The following TIMP2 variants were observed in gnomAD, a reference collection of about 807,000 sequenced individuals.
The protein encoded by TIMP2 is TIMP metallopeptidase inhibitor 2, also known as metalloproteinase inhibitor 2.
TIMP2 carries 5 observed loss-of-function variants against 24.3 expected under a neutral mutation model. The observed-to-expected ratio is 0.21, with a 90% CI of 0.11 to 0.43. The LOEUF (loss-of-function observed/expected upper bound fraction) is 0.43. Among genes scored for constraint, TIMP2 ranks in the 20% least tolerant of loss-of-function variants. The pLI, the probability that TIMP2 is intolerant of heterozygous loss-of-function variation, is 1.00. For synonymous variants in TIMP2, 130 were observed against 123.2 expected (o/e 1.06, Z -0.37); for missense variants, 221 against 297.5 (o/e 0.74, Z 1.89).
chr17:78,924,822 T>G lies in TIMP2; in HGVS notation c.130+137A>C. On this transcript the variant is annotated intron_variant, in intron 1 of 4. Coordinates refer to ENST00000262768, the MANE Select transcript of TIMP2 (RefSeq NM_003255.5). This position sits in a 1 kb window ranked among gnomAD's most constrained non-coding sequence, Gnocchi z 5.3. The stretch of plus-strand genomic sequence containing the variant: ...CGGCTCTGGGCGTCCACTTGCAGGA[T>G]TCGAGAAGGCGCCGAGGGACCAGGA... The G allele has an allele frequency of 2.5e-6, 1 of 403,070 alleles. No individual in the cohort carries two copies. The highest frequency in any genetic ancestry group is 3.8e-6 in the Non-Finnish European group (1 of 259,842). 25.0% of individuals were successfully genotyped at this position (403,070 alleles called of 1,614,324 possible).
At position 78,925,188 on chromosome 17, in the gene TIMP2, C is replaced by G. The variant is rs1372774147; in HGVS notation, c.-100G>C. On this transcript the variant is annotated 5_prime_UTR_variant, in exon 1 of 5. Transcript: ENST00000262768. Reference sequence around the variant, plus strand: ...GCGCGGGCGGGGGCTGAGCCGGGGCCGAGGCGGGCCCCTCCCGCGCGGCTC... The same window carrying G: ...GCGCGGGCGGGGGCTGAGCCGGGGCGGAGGCGGGCCCCTCCCGCGCGGCTC... 16 of 313,470 alleles carry G rather than the reference C, an allele frequency of 5.1e-5. No individual in the cohort carries two copies. The highest frequency in any genetic ancestry group is 6.8e-5 in the Non-Finnish European group (15 of 220,102). The allele number at this position is 313,470 out of a possible 1,614,324, so 19.4% of individuals were successfully genotyped here.
chr17:78,863,701 T>C (rs2145748339), intron 3 of TIMP2, among the ~76,000 whole-genome samples: 1 of 152,260 alleles, frequency 6.6e-6, no homozygotes, highest in Middle Eastern at 3.4e-3. Flanking sequence ...AGTATGACTC[T>C]CTGTATCGAC....
Position 78,896,056 on chromosome 17 carries a change from G to A in TIMP2, c.131-22137C>T, listed in dbSNP as rs1486392067. 6.6e-6 allele frequency among the ~76,000 whole-genome samples: 1 copy of A among 152,212 alleles called. No homozygotes were observed. Among genetic ancestry groups the A allele is most frequent in the Non-Finnish European group, 1.5e-5 (1 of 68,034 alleles). On this transcript the variant is annotated intron_variant, in intron 1 of 4. Transcript: ENST00000262768. This position sits in a 1 kb window ranked among gnomAD's most constrained non-coding sequence, Gnocchi z 4.4. ...ACGGGTAAAAACTTAACACATTTGG[G>A]CAGAGATCTTTGGGATAAGTCTAGA...
At chr17:78,874,744 A>ATTTT (rs36077675) in intron 1 of TIMP2, among the ~76,000 whole-genome samples, 74 of 138,162 alleles carry the variant, frequency 5.4e-4, no homozygotes, top group South Asian at 2.0e-3. Flanking sequence ...CGCCCGGTTA[A>ATTTT]TTTTTTTTTT....
chr17:78,880,025 G>C (rs1480199333), intron 1 of TIMP2, among the ~76,000 whole-genome samples: 1 of 152,088 alleles, frequency 6.6e-6, no homozygotes, highest in African/African-American at 2.4e-5. Context: ...ACCATCAGAG[G>C]CCGGACCGGC....
intron 3 of TIMP2, among the ~76,000 whole-genome samples, chr17:78,859,577 C>T (rs1405114290): frequency 6.6e-6 from 1 of 152,010 alleles, no homozygotes; most frequent in Admixed American, 6.6e-5. Flanking sequence ...GCAGGAGGAT[C>T]GCTTGAACCC....
Position 78,896,877 on chromosome 17 carries a change from G to A in TIMP2, c.131-22958C>T, listed in dbSNP as rs2070010115. On this transcript the variant is annotated intron_variant, in intron 1 of 4. Transcript: ENST00000262768. The surrounding 1 kb of genome is among the most constrained non-coding windows in gnomAD (Gnocchi z 4.4). ...GCCCATGGCAGCTCCACCCCAGACC[G>A]ATCCGATCCCAGCACCTGGGCCCAG... 1.0e-5 allele frequency: 10 copies of A among 975,588 alleles called. No individual in the cohort carries two copies. Among genetic ancestry groups the A allele is most frequent in the Non-Finnish European group, 1.2e-5 (10 of 821,334 alleles). 60.4% of individuals were successfully genotyped at this position (975,588 alleles called of 1,614,324 possible).
intron 1 of TIMP2, among the ~76,000 whole-genome samples, chr17:78,894,906 A>T (rs923673705): frequency 2.0e-5 from 3 of 152,336 alleles, no homozygotes; most frequent in African/African-American, 7.2e-5. Context: ...TGCAAATCAT[A>T]TATCCAACAG....
intron 1 of TIMP2, among the ~76,000 whole-genome samples, chr17:78,917,871 GGAGA>G (rs1343395325): frequency 3.3e-5 from 5 of 152,164 alleles, no homozygotes; most frequent in Non-Finnish European, 7.3e-5. Flanking sequence ...GGGTGGAAGA[GGAGA>G]GAAAGGCAAG....
At chr17:78,873,581 C>T (rs1200485808) in intron 2 of TIMP2, among the ~76,000 whole-genome samples, 1 of 152,248 alleles carries the variant, frequency 6.6e-6, no homozygotes, top group Non-Finnish European at 1.5e-5. Flanking sequence ...GTGTGAGCCG[C>T]AACGCCCGGA....
intron 3 of TIMP2, among the ~76,000 whole-genome samples, chr17:78,859,588 G>A (rs2069552474): frequency 2.0e-5 from 3 of 149,816 alleles, no homozygotes; most frequent in Non-Finnish European, 4.5e-5. Flanking sequence ...GCTTGAACCC[G>A]GGAGGTGGAG....
chr17:78,893,457 A>T (rs1400387945), intron 1 of TIMP2, among the ~76,000 whole-genome samples: 4 of 92,372 alleles, frequency 4.3e-5, no homozygotes, highest in African/African-American at 1.8e-4. Flanking sequence ...CTGTGTGTGC[A>T]GGGGTGTGTG....
In TIMP2 at chr17:78,882,782, G is replaced by A. The variant is rs117490311; in HGVS notation, c.131-8863C>T. ...CCCAACGGAACTGCCCAGGGGCACGGGGCAAGGCTGAGCAGCCAGGAAGTG... is the reference window on the plus strand; with the variant it reads ...CCCAACGGAACTGCCCAGGGGCACGAGGCAAGGCTGAGCAGCCAGGAAGTG... On this transcript the variant is annotated intron_variant, in intron 1 of 4. Transcript: ENST00000262768. Among the ~76,000 whole-genome samples, 39 of 152,334 alleles carry A rather than the reference G, an allele frequency of 2.6e-4. No homozygotes were observed. In the East Asian group the frequency reaches 6.8e-3, roughly 26 times the overall value.
intron 3 of TIMP2, among the ~76,000 whole-genome samples, chr17:78,868,885 T>C (rs534623610): frequency 3.9e-5 from 6 of 152,060 alleles, no homozygotes; most frequent in African/African-American, 1.4e-4. Context: ...CCTGGGCACA[T>C]GTGGCAATGT....
intron 1 of TIMP2, among the ~76,000 whole-genome samples, chr17:78,876,683 ATT>A (rs34926655): frequency 2.1e-5 from 3 of 145,152 alleles, no homozygotes; most frequent in Non-Finnish European, 1.5e-5. Flanking sequence ...TGCCAGGCTA[ATT>A]TTTTTTTTTT....
intron 3 of TIMP2, among the ~76,000 whole-genome samples, chr17:78,863,259 TG>T (rs1052030692): frequency 6.6e-6 from 1 of 152,116 alleles, no homozygotes; most frequent in Non-Finnish European, 1.5e-5. Context: ...TTTTTTTGGG[TG>T]GGGGGACAGT....
intron 1 of TIMP2, among the ~76,000 whole-genome samples, chr17:78,876,713 G>A (rs1325431484): frequency 6.6e-6 from 1 of 150,660 alleles, no homozygotes; most frequent in Non-Finnish European, 1.5e-5. Flanking sequence ...TTTTAGTAGA[G>A]ACAGGGTTTT....
chr17:78,890,044 A>G (rs1011616277), intron 1 of TIMP2, among the ~76,000 whole-genome samples: 4 of 152,166 alleles, frequency 2.6e-5, no homozygotes, highest in Non-Finnish European at 5.9e-5. Context: ...GCTTAAGCCC[A>G]GGAGACAGAG....
chr17:78,916,729 G>A (rs73999316), intron 1 of TIMP2, among the ~76,000 whole-genome samples: 2,555 of 152,130 alleles, frequency 0.017, 64 homozygotes, highest in African/African-American at 0.059. Flanking sequence ...GCCTTCCCCG[G>A]AGTCCCACTG....
Sources: gnomAD v4.1 joint callset for allele counts (sites outside exome capture counted in the v4.1 genomes callset) on GRCh38, gnomAD v4.1.1 for gene constraint, Gnocchi (gnomAD v3.1) non-coding constraint, MANE v1.5 for transcripts, NCBI Gene and HGNC (gene_info 2026-07-23, HGNC 2026-07-21) for gene names.